ETFA: variants seen among roughly 807,000 people sequenced by gnomAD.
ETFA encodes the protein electron transfer flavoprotein subunit alpha, mitochondrial.
In ETFA, 22 loss-of-function variants were observed where a neutral mutation model predicts 46.2. That is an observed-to-expected ratio of 0.48 (90% CI 0.34 to 0.68). The LOEUF is 0.68. ETFA is among the 30% of genes least tolerant of loss of function. The pLI is 0.01. For missense variants in ETFA, 345 were observed against 401.1 expected, an observed-to-expected ratio of 0.86 and a Z score of 1.19; for synonymous variants, 131 against 139.9, an observed-to-expected ratio of 0.94 and a Z score of 0.45.
chr15:76,216,865 A>G lies in ETFA; in HGVS notation c.964-268T>C, dbSNP rs1209938398. Among the ~76,000 whole-genome samples the G allele has an allele frequency of 2.0e-3, 29 of 14,702 alleles. 1 individual carries two copies. The highest frequency in any genetic ancestry group is 7.4e-3 in the African/African-American group (28 of 3,798). 9.6% of individuals were successfully genotyped at this position (14,702 alleles called of 152,430 possible). A position where few individuals can be genotyped will look rare whatever the true frequency, so the allele number is the denominator to read the frequency against. On this transcript the variant is annotated intron_variant, in intron 11 of 11. Coordinates refer to ENST00000557943, the MANE Select transcript of ETFA (RefSeq NM_000126.4). ...CTTTTTTTTTTTTTTTTTTTTTTTG[A>G]GACAGGCTCTCACTCTGTCACCCAG...
intron 1 of ETFA, among the ~76,000 whole-genome samples, chr15:76,299,108 T>G (rs1178181419): frequency 6.6e-6 from 1 of 152,186 alleles, no homozygotes; most frequent in Non-Finnish European, 1.5e-5. Context: ...GGAATCTCGA[T>G]CTCTTCAAAC....
chr15:76,272,813 C>CATACATATATATAT (rs1555457981), intron 9 of ETFA, among the ~76,000 whole-genome samples: 1 of 137,558 alleles, frequency 7.3e-6, no homozygotes, highest in Non-Finnish European at 1.5e-5. Flanking sequence ...AAAATATATA[C>CATACATATATATAT]ATATATATAT....
At chr15:76,216,692 A>C (rs2038899552) in intron 11 of ETFA, 95 bp from the exon 12 acceptor site, 1 of 841,878 alleles carries the variant, frequency 1.2e-6, no homozygotes, top group African/African-American at 1.7e-5. Flanking sequence ...AAAAGAAACA[A>C]CACAAATCAC....
intron 4 of ETFA, among the ~76,000 whole-genome samples, chr15:76,290,205 T>A (rs1236605369): frequency 6.6e-6 from 1 of 152,168 alleles, no homozygotes; most frequent in Non-Finnish European, 1.5e-5. Context: ...GATACATGCA[T>A]GACCATGTTT....
chr15:76,236,470 A>G (rs1596193348), intron 9 of ETFA, among the ~76,000 whole-genome samples: 3 of 152,222 alleles, frequency 2.0e-5, no homozygotes, highest in Non-Finnish European at 2.9e-5. Flanking sequence ...AGAACAAACT[A>G]AAGAGCCTTC....
chr15:76,297,579 A>T (rs1021253610), intron 1 of ETFA, among the ~76,000 whole-genome samples: 2 of 152,082 alleles, frequency 1.3e-5, no homozygotes, highest in African/African-American at 2.4e-5. Context: ...CAGAAGGCCC[A>T]TACTTGCTGT....
intron 9 of ETFA, among the ~76,000 whole-genome samples, chr15:76,261,991 T>C (rs978580722): frequency 2.0e-5 from 3 of 152,158 alleles, no homozygotes; most frequent in African/African-American, 7.2e-5. Flanking sequence ...ACAAGGATTT[T>C]AAAGTAGGTA....
intron 9 of ETFA, chr15:76,260,289 G>A (rs2039394706): frequency 2.5e-6 from 3 of 1,177,300 alleles, no homozygotes; most frequent in Non-Finnish European, 3.8e-6. Flanking sequence ...GTGAATGGCT[G>A]GCTCTCCCCG....
At chr15:76,274,591 T>C (rs1475327929) in intron 8 of ETFA, 97 bp from the exon 9 acceptor site, 1 of 945,662 alleles carries the variant, frequency 1.1e-6, no homozygotes, top group African/African-American at 1.6e-5. Context: ...TGATTTAGAA[T>C]TCTAAGTACT....
At chr15:76,217,805 G>A in intron 11 of ETFA, 1 of 282,398 alleles carries the variant, frequency 3.5e-6, no homozygotes, top group South Asian at 2.8e-5. Context: ...ACTCACCACT[G>A]ATGAATACAG....
intron 9 of ETFA, among the ~76,000 whole-genome samples, chr15:76,232,542 A>C (rs1363919591): frequency 2.0e-5 from 3 of 152,190 alleles, no homozygotes; most frequent in Admixed American, 2.0e-4. Context: ...GATACTTCAA[A>C]AGCCAATGAC....
chr15:76,226,740 G>A (rs991854379), intron 10 of ETFA, among the ~76,000 whole-genome samples: 10 of 152,118 alleles, frequency 6.6e-5, no homozygotes, highest in African/African-American at 2.4e-5. Flanking sequence ...TTAGCCGGGC[G>A]TGGTGGCGGG....
intron 1 of ETFA, among the ~76,000 whole-genome samples, chr15:76,296,818 A>C (rs1261565766): frequency 6.6e-6 from 1 of 152,236 alleles, no homozygotes; most frequent in Non-Finnish European, 1.5e-5. Context: ...AGGAAATTAG[A>C]CTTGTTCATA....
chr15:76,265,859 C>T (rs1372402399), intron 9 of ETFA, among the ~76,000 whole-genome samples: 1 of 152,118 alleles, frequency 6.6e-6, no homozygotes, highest in Non-Finnish European at 1.5e-5. Flanking sequence ...TTCAGAAGGA[C>T]AAACAGATCA....
At chr15:76,231,937 T>G (rs939505957) in intron 9 of ETFA, among the ~76,000 whole-genome samples, 3 of 152,216 alleles carry the variant, frequency 2.0e-5, no homozygotes, top group Non-Finnish European at 4.4e-5. Context: ...TATTAAACTT[T>G]GTATTTAGAA....
chr15:76,306,617 ATCTT>A (rs1365035518), intron 1 of ETFA, among the ~76,000 whole-genome samples: 3 of 152,042 alleles, frequency 2.0e-5, no homozygotes, highest in East Asian at 3.9e-4. Context: ...AAGCTATAAA[ATCTT>A]TCTGAGTCAT....
chr15:76,305,102 T>G (rs919407189), intron 1 of ETFA, among the ~76,000 whole-genome samples: 13 of 152,156 alleles, frequency 8.5e-5, no homozygotes, highest in African/African-American at 3.1e-4. Context: ...TATCACTCAG[T>G]AACAATAGTT....
At chr15:76,227,946 G>A in intron 10 of ETFA, 1 of 456,036 alleles carries the variant, frequency 2.2e-6, no homozygotes, top group Non-Finnish European at 4.4e-6. Flanking sequence ...CATAGTCAGA[G>A]ACAATAAACA....
At chr15:76,281,952 G>A (rs988774955) in intron 8 of ETFA, among the ~76,000 whole-genome samples, 2 of 126,026 alleles carry the variant, frequency 1.6e-5, no homozygotes, top group Non-Finnish European at 3.1e-5. Context: ...TACCCAGGCT[G>A]GAGTACAGTG....
Sources: allele counts gnomAD v4.1 joint callset (sites outside exome capture counted in the v4.1 genomes callset), GRCh38; gene constraint gnomAD v4.1.1; transcripts MANE v1.5; gene names NCBI Gene and HGNC (gene_info 2026-07-23, HGNC 2026-07-21).